DNAJC3: variants seen among roughly 807,000 people sequenced by gnomAD.
DNAJC3 encodes DnaJ heat shock protein family (Hsp40) member C3, also known as dnaJ homolog subfamily C member 3.
DNAJC3 carries 38 observed loss-of-function variants against 68.6 expected under a neutral mutation model. The ratio of observed to expected loss-of-function variants is 0.55; its 90% confidence interval spans 0.43 to 0.73. The LOEUF is 0.73. Ranked by LOEUF, DNAJC3 falls within the 30% of genes least tolerant of loss-of-function variation. The pLI is 0.00. For synonymous variants in DNAJC3, 203 were observed against 204.0 expected (o/e 1.00, Z 0.04); for missense variants, 526 against 591.9 (o/e 0.89, Z 1.16).
intron 1 of DNAJC3, chr13:95,694,929 C>G (rs1053784021): frequency 2.6e-5 from 4 of 152,638 alleles, no homozygotes; most frequent in African/African-American, 9.7e-5. Flanking sequence ...TATCCTCCTA[C>G]TCAACAACTA....
intron 4 of DNAJC3, among the ~76,000 whole-genome samples, chr13:95,741,803 C>T (rs546280494): frequency 2.0e-5 from 3 of 152,238 alleles, no homozygotes; most frequent in East Asian, 1.9e-4. Context: ...CCCTCAGGCT[C>T]CAGGAAGGAG....
chr13:95,740,136 C>T (rs1882079629), intron 4 of DNAJC3, among the ~76,000 whole-genome samples: 2 of 152,332 alleles, frequency 1.3e-5, no homozygotes, highest in South Asian at 2.1e-4. Context: ...GGGTCGGGGT[C>T]AGGGACCCAC....
chr13:95,766,842 A>G (rs1166372711), intron 9 of DNAJC3, among the ~76,000 whole-genome samples: 1 of 152,018 alleles, frequency 6.6e-6, no homozygotes, highest in Non-Finnish European at 1.5e-5. Context: ...CTGGGATTAC[A>G]GGAACTGTGC....
intron 1 of DNAJC3, among the ~76,000 whole-genome samples, chr13:95,681,136 CT>C (rs1879898942): frequency 1.3e-5 from 2 of 152,278 alleles, no homozygotes; most frequent in African/African-American, 4.8e-5. Flanking sequence ...TCTTTTTCTC[CT>C]TTCCCGCTTT....
intron 9 of DNAJC3, among the ~76,000 whole-genome samples, chr13:95,776,926 T>C (rs1054782938): frequency 4.6e-5 from 7 of 152,210 alleles, no homozygotes; most frequent in Non-Finnish European, 1.0e-4. Flanking sequence ...GTATCCCTTC[T>C]GCACCATCAG....
At position 95,681,929 on chromosome 13, in the gene DNAJC3, T is replaced by TA. The variant is rs543375312; in HGVS notation, c.82+4593dup. Among the ~76,000 whole-genome samples the TA allele has an allele frequency of 3.4e-3, 514 of 152,362 alleles. 4 individuals carry two copies. Among genetic ancestry groups the TA allele is most frequent in the African/African-American group, 0.012 (487 of 41,590 alleles). On this transcript the variant is annotated intron_variant, in intron 1 of 11. Coordinates refer to ENST00000602402, the MANE Select transcript of DNAJC3 (RefSeq NM_006260.5). ...TTATCTACATTTGTACCTATTCTGCTACTTTTTCTCATATTGAAATACATT... is the reference window on the plus strand; with the variant it reads ...TTATCTACATTTGTACCTATTCTGCTAACTTTTTCTCATATTGAAATACATT...
At chr13:95,786,145 C>G in intron 10 of DNAJC3, 74 bp downstream of exon 10, 1 of 1,392,698 alleles carries the variant, frequency 7.2e-7, no homozygotes, top group Non-Finnish European at 9.6e-7. Context: ...TGCTCTTTTT[C>G]CTCTCTGATT....
intron 1 of DNAJC3, among the ~76,000 whole-genome samples, chr13:95,700,812 T>C (rs1221828891): frequency 2.6e-5 from 4 of 152,182 alleles, no homozygotes; most frequent in Admixed American, 2.6e-4. Context: ...TGCTACTCCA[T>C]GGTCATGTCA....
intron 4 of DNAJC3, among the ~76,000 whole-genome samples, 176 bp downstream of exon 4, chr13:95,725,428 T>G (rs899201952): frequency 1.3e-5 from 2 of 152,198 alleles, no homozygotes; most frequent in African/African-American, 2.4e-5. Context: ...GAATTACTAT[T>G]TGATGGCAGA....
chr13:95,748,734 T>C (rs1882385413), intron 4 of DNAJC3, among the ~76,000 whole-genome samples: 1 of 152,194 alleles, frequency 6.6e-6, no homozygotes, highest in African/African-American at 2.4e-5. Context: ...GAGAATTGCT[T>C]GAACCTGGGA....
chr13:95,698,467 TC>T (rs1419907409), intron 1 of DNAJC3, among the ~76,000 whole-genome samples: 2 of 152,190 alleles, frequency 1.3e-5, no homozygotes, highest in Non-Finnish European at 2.9e-5. Context: ...TAGGCACTAG[TC>T]CTGATAGGGG....
chr13:95,715,415 A>G (rs1251031374), intron 2 of DNAJC3, among the ~76,000 whole-genome samples: 1 of 151,552 alleles, frequency 6.6e-6, no homozygotes, highest in Non-Finnish European at 1.5e-5. Context: ...ATAAAGTGTC[A>G]TTTTGTTCAA....
At chr13:95,759,958 C>A in intron 5 of DNAJC3, 82 bp from the exon 6 acceptor site, 1 of 1,328,984 alleles carries the variant, frequency 7.5e-7, no homozygotes, top group Non-Finnish European at 1.0e-6. Flanking sequence ...TTGATAAATA[C>A]GTAGATAAAA....
intron 4 of DNAJC3, 49 bp downstream of exon 4, chr13:95,725,301 C>A (rs775865012): frequency 2.9e-6 from 4 of 1,368,930 alleles, no homozygotes; most frequent in East Asian, 4.9e-5. Context: ...TTTGAGAGAA[C>A]GTATTTGACC....
intron 1 of DNAJC3, among the ~76,000 whole-genome samples, chr13:95,682,643 T>C (rs1879950313): frequency 6.6e-6 from 1 of 152,208 alleles, no homozygotes; most frequent in African/African-American, 2.4e-5. Flanking sequence ...TGTCTAATGC[T>C]GATTAGGAAA....
chr13:95,730,422 T>C (rs1245862383), intron 4 of DNAJC3, among the ~76,000 whole-genome samples: 2 of 152,242 alleles, frequency 1.3e-5, no homozygotes, highest in East Asian at 1.9e-4. Context: ...TGTTTTCTTC[T>C]AGTAGCTTTA....
At chr13:95,691,503 C>G (rs997284403) in intron 1 of DNAJC3, among the ~76,000 whole-genome samples, 1 of 151,238 alleles carries the variant, frequency 6.6e-6, no homozygotes, top group East Asian at 1.9e-4. Context: ...TGATGGCGGC[C>G]GGGAAGAGGC....
At chr13:95,734,352 G>A (rs773300754) in intron 4 of DNAJC3, among the ~76,000 whole-genome samples, 1 of 152,170 alleles carries the variant, frequency 6.6e-6, no homozygotes, top group Admixed American at 6.5e-5. Flanking sequence ...TCCATTCCCT[G>A]CAGGCCAGTA....
intron 4 of DNAJC3, among the ~76,000 whole-genome samples, chr13:95,729,117 CT>C (rs1881620863): frequency 6.6e-6 from 1 of 152,124 alleles, no homozygotes; most frequent in African/African-American, 2.4e-5. Context: ...ATCCATGTGG[CT>C]GCATATGAAC....
Sources: allele counts gnomAD v4.1 joint callset (sites outside exome capture counted in the v4.1 genomes callset), GRCh38; gene constraint gnomAD v4.1.1; transcripts MANE v1.5; gene names NCBI Gene and HGNC (gene_info 2026-07-23, HGNC 2026-07-21).